TAF6L: variants seen among roughly 807,000 people sequenced by gnomAD.
TAF6L encodes the protein TATA-box binding protein associated factor 6 like.
Under a neutral mutation model 57.3 loss-of-function variants are expected in TAF6L, and 34 were observed. The observed-to-expected ratio is 0.59, with a 90% confidence interval of 0.45 to 0.79. The LOEUF (loss-of-function observed/expected upper bound fraction) is 0.79. Ranked by LOEUF, TAF6L falls within the 30% of genes least tolerant of loss-of-function variation. The pLI is 0.00. For synonymous variants in TAF6L, 417 were observed against 376.3 expected (o/e 1.11, Z -1.25); for missense variants, 782 against 853.2 (o/e 0.92, Z 1.04).
chr11:62,786,568 A>AGGGGTGGCC lies in TAF6L; in HGVS notation c.1142_1150dup (p.Arg381_Gly383dup). The AGGGGTGGCC allele has an allele frequency of 6.4e-7, 1 of 1,568,314 alleles. No individual in the cohort carries two copies. The highest frequency in any genetic ancestry group is 8.6e-7 in the Non-Finnish European group (1 of 1,157,908). On this transcript the variant is annotated inframe_insertion, in exon 11 of 11. Coordinates refer to ENST00000294168, the MANE Select transcript of TAF6L (RefSeq NM_006473.4). ...GAAGGCCCAGGCAGCAGAGCCCAAC[A>AGGGGTGGCC]GGGGTGGCCCAGGTGGCAGGGGGTG... is the stretch of plus-strand genomic sequence containing the variant.
chr11:62,777,860 A>C, intron 3 of TAF6L, 118 bp from the exon 4 acceptor site: 1 of 1,234,274 alleles, frequency 8.1e-7, no homozygotes, highest in East Asian at 2.5e-5. Context: ...TTTTCTTGGG[A>C]CTTCTGGACT....
intron 1 of TAF6L, among the ~76,000 whole-genome samples, chr11:62,773,139 C>G (rs1181145036): frequency 1.4e-5 from 2 of 145,860 alleles, no homozygotes; most frequent in African/African-American, 5.1e-5. Context: ...CCATGCCTGG[C>G]CTATAATTAC....
Position 62,786,818 on chromosome 11 carries a change from C to T in TAF6L, c.1391C>T (p.Thr464Met), listed in dbSNP as rs1307903342. Reference protein sequence around the residue: ...TRFGTGQPAPTAPRPPGDKKE... With the variant: ...TRFGTGQPAPMAPRPPGDKKE... ...TTTGGCACCGGCCAGCCTGCACCCA[C>T]GGCTCCGCGGCCGCCCGGGGACAAG... is the stretch of plus-strand genomic sequence containing the variant. Residue 464 changes from threonine to methionine, a missense_variant, in exon 11 of 11, where the codon ACG becomes ATG. Transcript: ENST00000294168. 4.4e-6 allele frequency: 7 copies of T among 1,605,792 alleles called. No homozygotes were observed. Among genetic ancestry groups the T allele is most frequent in the East Asian group, 2.2e-5 (1 of 44,728 alleles).
rs768575307 is a variant in TAF6L at position 62,787,181 on chromosome 11, C to T, written c.1754C>T (p.Pro585Leu). 3.2e-6 allele frequency: 5 copies of T among 1,586,808 alleles called. No individual in the cohort carries two copies. Among genetic ancestry groups the T allele is most frequent in the East Asian group, 2.3e-5 (1 of 43,514 alleles). ...CTTTTCCAGACTGCCTTCCCCGCGC[C>T]GTACGGGCCTAGCCCGGCCTCGCGC... is the stretch of plus-strand genomic sequence containing the variant. ...GRLFQTAFPA[P>L]YGPSPASRYV... Residue 585 changes from proline to leucine, a missense_variant, in exon 11 of 11, where the codon CCG becomes CTG. Transcript: ENST00000294168.
intron 9 of TAF6L, 30 bp downstream of exon 9, chr11:62,782,855 G>C (rs753045776): frequency 6.2e-7 from 1 of 1,609,012 alleles, no homozygotes; most frequent in Non-Finnish European, 8.5e-7. Context: ...TCACACAGCC[G>C]TAAGAACTCC....
rs181124445 is a variant in TAF6L, at chr11:62,781,994, G to A, written c.606+26G>A. The A allele has an allele frequency of 1.8e-3, 2,852 of 1,612,690 alleles. 65 individuals are homozygous for A. The Admixed American group carries it at 0.044, about 25-fold the overall frequency. ...GTAAGTGACCAGGCTGGGACAGGGAGAATGTTTTATAAGGAAGAGATGACC... is the reference window on the plus strand; with the variant it reads ...GTAAGTGACCAGGCTGGGACAGGGAAAATGTTTTATAAGGAAGAGATGACC... On this transcript the variant is annotated intron_variant, in intron 7 of 10. Transcript: ENST00000294168.
rs778532762 is a variant in TAF6L at position 62,787,280 on chromosome 11, T to G, written c.1853T>G (p.Leu618Arg). The G allele has an allele frequency of 6.5e-7, 1 of 1,547,222 alleles. No homozygotes were observed. The highest frequency in any genetic ancestry group is 8.7e-7 in the Non-Finnish European group (1 of 1,154,146). Residue 618 changes from leucine (L) to arginine (R), a missense_variant, in exon 11 of 11, where the codon CTG (leucine) becomes CGG (arginine). Transcript: ENST00000294168. ...CGGTGGGCGCTCTCGGACTACTCGC[T>G]GTACTTGCCGCTCTGAGTCAGTGGC... ...ARRWALSDYS[L>R]YLPL
intron 6 of TAF6L, among the ~76,000 whole-genome samples, chr11:62,780,731 A>G (rs1162889679): frequency 6.6e-6 from 1 of 151,052 alleles, no homozygotes; most frequent in Non-Finnish European, 1.5e-5. Flanking sequence ...GGAGTTCGAG[A>G]CCAGCCTGGC....
At chr11:62,772,542 C>T (rs1292604163) in intron 1 of TAF6L, among the ~76,000 whole-genome samples, 2 of 128,388 alleles carry the variant, frequency 1.6e-5, no homozygotes, top group Non-Finnish European at 3.2e-5. Flanking sequence ...AAAAAAAGCT[C>T]GTCGGGCCAG....
At chr11:62,781,006 C>T (rs193102777) in intron 6 of TAF6L, among the ~76,000 whole-genome samples, 5 of 137,904 alleles carry the variant, frequency 3.6e-5, no homozygotes, top group South Asian at 2.4e-4. Context: ...GAGGCCGAGG[C>T]GGGTGGATTG....
chr11:62,780,383 C>T (rs556770125), intron 6 of TAF6L, among the ~76,000 whole-genome samples: 4 of 149,546 alleles, frequency 2.7e-5, no homozygotes, highest in South Asian at 4.3e-4. Flanking sequence ...TGGTGGTGGA[C>T]GCCTGTAATC....
At chr11:62,781,750 A>G in intron 6 of TAF6L, 144 bp from the exon 7 acceptor site, 1 of 731,076 alleles carries the variant, frequency 1.4e-6, no homozygotes, top group Non-Finnish European at 2.4e-6. Flanking sequence ...TTACATTTAT[A>G]GAAATAGAAT....
At chr11:62,784,040 G>A (rs1387138838) in intron 9 of TAF6L, among the ~76,000 whole-genome samples, 1 of 424 alleles carries the variant, frequency 2.4e-3, no homozygotes, top group African/African-American at 8.8e-3. Context: ...CCGGGCTGGA[G>A]TGCAGTGGCG....
At chr11:62,779,976 A>ATTTTTTTTTTTTT (rs1277954265) in intron 6 of TAF6L, among the ~76,000 whole-genome samples, 2 of 52,632 alleles carry the variant, frequency 3.8e-5, no homozygotes, top group Non-Finnish European at 7.3e-5. Context: ...ATATATATAT[A>ATTTTTTTTTTTTT]TTTTTTTTTT....
chr11:62,778,266 C>T lies in TAF6L; in HGVS notation c.386-19C>T, dbSNP rs2084201912. On this transcript the variant is annotated intron_variant, in intron 4 of 10. Transcript: ENST00000294168. Reference sequence around the variant, plus strand: ...GGGGCAAAACGCCAGGCTGACACATCTCTCTGCACTGCTTCTAGTTCATGT... The same window carrying T: ...GGGGCAAAACGCCAGGCTGACACATTTCTCTGCACTGCTTCTAGTTCATGT... 6.2e-7 allele frequency: 1 copy of T among 1,614,150 alleles called. No individual in the cohort carries two copies. Among genetic ancestry groups the T allele is most frequent in the Admixed American group, 1.7e-5 (1 of 60,008 alleles).
At chr11:62,775,978 C>T (rs1389034700) in intron 2 of TAF6L, 48 bp downstream of exon 2, 1 of 1,562,582 alleles carries the variant, frequency 6.4e-7, no homozygotes, top group Non-Finnish European at 8.7e-7. Context: ...TTGTTTCTGC[C>T]TTTTTACTAA....
intron 6 of TAF6L, among the ~76,000 whole-genome samples, chr11:62,779,972 A>ATTT (rs1367245372): frequency 5.7e-4 from 35 of 61,472 alleles, no homozygotes; most frequent in African/African-American, 1.7e-3. Flanking sequence ...ATATATATAT[A>ATTT]TATATTTTTT....
intron 6 of TAF6L, among the ~76,000 whole-genome samples, chr11:62,779,726 T>C (rs1467240592): frequency 1.3e-5 from 2 of 151,412 alleles, no homozygotes; most frequent in African/African-American, 4.8e-5. Flanking sequence ...AGTGCAGTGG[T>C]GTGATGTTGG....
intron 9 of TAF6L, among the ~76,000 whole-genome samples, chr11:62,783,639 A>G (rs541431631): frequency 1.5e-4 from 23 of 151,678 alleles, no homozygotes; most frequent in Middle Eastern, 3.4e-3. Flanking sequence ...GATTTAAGCA[A>G]TTCTTCCACC....
Sources: allele counts gnomAD v4.1 joint callset (sites outside exome capture counted in the v4.1 genomes callset), GRCh38; gene constraint gnomAD v4.1.1; transcripts MANE v1.5; gene names NCBI Gene and HGNC (gene_info 2026-07-23, HGNC 2026-07-21).